Variants in FBXO31 observed in about 807,000 individuals in gnomAD.
FBXO31 encodes the protein F-box only protein 31.
In FBXO31, 24 loss-of-function variants were observed where a neutral mutation model predicts 54.4. The ratio of observed to expected loss-of-function variants is 0.44; its 90% CI spans 0.32 to 0.62. The LOEUF (loss-of-function observed/expected upper bound fraction) is 0.62, where lower values mean the gene tolerates loss of function less well. Among genes scored for constraint, FBXO31 ranks in the 20% least tolerant of loss-of-function variants. The probability of loss-of-function intolerance (pLI) is 0.05; values close to 1 mark genes in which losing one functional copy is unlikely to be tolerated. For missense variants in FBXO31, 665 were observed against 787.1 expected (o/e 0.84, Z 1.86); for synonymous variants, 388 against 335.6 (o/e 1.16, Z -1.71).
intron 1 of FBXO31, among the ~76,000 whole-genome samples, chr16:87,378,036 G>A (rs909915305): frequency 6.6e-6 from 1 of 151,826 alleles, no homozygotes; most frequent in Non-Finnish European, 1.5e-5. Flanking sequence ...GTGCACACCT[G>A]TAATCCCAGT....
intron 1 of FBXO31, among the ~76,000 whole-genome samples, chr16:87,382,959 C>G (rs1907149746): frequency 6.6e-6 from 1 of 152,152 alleles, no homozygotes; most frequent in African/African-American, 2.4e-5. Flanking sequence ...AAGTTCACCT[C>G]GTCTCTGGTC....
Position 87,362,198 on chromosome 16 carries a change from G to C in FBXO31, c.341-1832C>G, listed in dbSNP as rs1255865104. Among the ~76,000 whole-genome samples, 5 of 151,996 alleles carry C rather than the reference G, an allele frequency of 3.3e-5. No individual in the cohort carries two copies. In the South Asian group the frequency reaches 8.3e-4, roughly 25 times the overall value. On this transcript the variant is annotated intron_variant, in intron 1 of 8. Coordinates refer to ENST00000311635, the MANE Select transcript of FBXO31 (RefSeq NM_024735.5). ...CAAATAGCATTCACATTTTCTAGTA[G>C]CCACATCAAAAAGGGTACAATTAAA... is the stretch of plus-strand genomic sequence containing the variant.
At chr16:87,375,702 AAAG>A (rs1201848448) in intron 1 of FBXO31, among the ~76,000 whole-genome samples, 1 of 152,142 alleles carries the variant, frequency 6.6e-6, no homozygotes, top group African/African-American at 2.4e-5. Context: ...GCGACACATC[AAAG>A]AAGGGTCCCA....
At chr16:87,363,115 T>G (rs1435498414) in intron 1 of FBXO31, among the ~76,000 whole-genome samples, 1 of 151,532 alleles carries the variant, frequency 6.6e-6, no homozygotes, top group Non-Finnish European at 1.5e-5. Context: ...CCGGGCGCGG[T>G]GGCTCATGCC....
intron 1 of FBXO31, among the ~76,000 whole-genome samples, chr16:87,380,306 A>AAC (rs1370378749): frequency 6.6e-6 from 1 of 151,920 alleles, no homozygotes; most frequent in East Asian, 1.9e-4. Flanking sequence ...CAAAAAAAAA[A>AAC]AAAAAAAAAG....
At position 87,383,271 on chromosome 16, in the gene FBXO31, C is replaced by T. The variant is rs1322914621; in HGVS notation, c.340+134G>A. The T allele has an allele frequency of 1.2e-6, 1 of 856,840 alleles. No individual in the cohort carries two copies. Among genetic ancestry groups the T allele is most frequent in the African/African-American group, 1.8e-5 (1 of 54,698 alleles). The allele number at this position is 856,840 out of a possible 1,614,324, so 53.1% of individuals were successfully genotyped here. A position where few individuals can be genotyped will look rare whatever the true frequency, so the allele number is the denominator to read the frequency against. On this transcript the variant is annotated intron_variant, in intron 1 of 8. Transcript: ENST00000311635. The surrounding 1 kb of genome is among the most constrained non-coding windows in gnomAD (Gnocchi z 4.9). ...GGCCGCTCCCCACCCACACCCAAAACACCACATCGCCGGGCCCCGCGCCCA... is the reference window on the plus strand; with the variant it reads ...GGCCGCTCCCCACCCACACCCAAAATACCACATCGCCGGGCCCCGCGCCCA...
chr16:87,367,961 C>T (rs1906439133), intron 1 of FBXO31: 1 of 152,198 alleles, frequency 6.6e-6, no homozygotes, highest in Non-Finnish European at 1.5e-5. Context: ...AGAAACAATG[C>T]ACGTAGCCTT....
Position 87,358,672 on chromosome 16 carries a change from A to G in FBXO31, c.412+1623T>C, listed in dbSNP as rs558323143. The stretch of plus-strand genomic sequence containing the variant: ...TGAGAAACCTGCTGGAGAGAACAAC[A>G]CTGTGACACGTTTTCCTTCCATCAG... On this transcript the variant is annotated intron_variant, in intron 2 of 8. Transcript: ENST00000311635. This position sits in a 1 kb window ranked among gnomAD's most constrained non-coding sequence, Gnocchi z 4.0. 6.6e-6 allele frequency among the ~76,000 whole-genome samples: 1 copy of G among 152,098 alleles called. No individual in the cohort carries two copies. Among genetic ancestry groups the G allele is most frequent in the Non-Finnish European group, 1.5e-5 (1 of 68,016 alleles).
chr16:87,348,323 C>G (rs1905485070), intron 2 of FBXO31, among the ~76,000 whole-genome samples: 1 of 152,228 alleles, frequency 6.6e-6, no homozygotes, highest in South Asian at 2.1e-4. Flanking sequence ...TGAGCCACCC[C>G]TTGGATGCTA....
At chr16:87,347,342 G>T in intron 2 of FBXO31, 92 bp from the exon 3 acceptor site, 1 of 1,091,166 alleles carries the variant, frequency 9.2e-7, no homozygotes, top group Non-Finnish European at 1.4e-6. Context: ...GAACCATGAG[G>T]ACTCACAAAA....
In FBXO31 at chr16:87,335,259, C is replaced by A; in HGVS notation, c.996+45G>T. 1.9e-6 allele frequency: 3 copies of A among 1,608,036 alleles called. No homozygotes were observed. Among genetic ancestry groups the A allele is most frequent in the Non-Finnish European group, 2.5e-6 (3 of 1,179,724 alleles). On this transcript the variant is annotated intron_variant, in intron 7 of 8. Transcript: ENST00000311635. This position sits in a 1 kb window ranked among gnomAD's most constrained non-coding sequence, Gnocchi z 5.7. Reference sequence around the variant, plus strand: ...TCCCTGACTCCACAGCCCACTTGGGCCAGGTGCCCCCAGAGCCCCACCAAC... The same window carrying A: ...TCCCTGACTCCACAGCCCACTTGGGACAGGTGCCCCCAGAGCCCCACCAAC...
rs1335761010 is a variant in FBXO31, at chr16:87,338,613, T to C, written c.733-2349A>G. ...CCACGGCTGAGGGAACCCACAACCC[T>C]GGGAACATCATCAGATCATGCCAGT... On this transcript the variant is annotated intron_variant, in intron 5 of 8. Coordinates refer to ENST00000311635, the MANE Select transcript of FBXO31 (RefSeq NM_024735.5). The surrounding 1 kb of genome is among the most constrained non-coding windows in gnomAD (Gnocchi z 4.3). Among the ~76,000 whole-genome samples the C allele has an allele frequency of 1.3e-5, 2 of 152,076 alleles. No individual in the cohort carries two copies. Among genetic ancestry groups the C allele is most frequent in the Non-Finnish European group, 2.9e-5 (2 of 67,996 alleles).
At chr16:87,362,983 G>A (rs941191626) in intron 1 of FBXO31, among the ~76,000 whole-genome samples, 1 of 152,248 alleles carries the variant, frequency 6.6e-6, no homozygotes, top group African/African-American at 2.4e-5. Context: ...GGCCAGGGAT[G>A]AGGAGCTGAC....
chr16:87,341,739 A>C (rs910252593), intron 5 of FBXO31, among the ~76,000 whole-genome samples: 1 of 152,158 alleles, frequency 6.6e-6, no homozygotes, highest in African/African-American at 2.4e-5. Context: ...TCAAATCTAA[A>C]ATAACAGCAT....
At position 87,347,628 on chromosome 16, in the gene FBXO31, C is replaced by T. The variant is rs954360721; in HGVS notation, c.413-378G>A. Among the ~76,000 whole-genome samples, 8 of 143,112 alleles carry T rather than the reference C, an allele frequency of 5.6e-5. No homozygotes were observed. The South Asian group carries it at 1.1e-3, about 20-fold the overall frequency. 93.9% of individuals were successfully genotyped at this position (143,112 alleles called of 152,430 possible). ...CTGGGAGGTGGAGCTTGCAGTGAGC[C>T]GAGATCACACAACTGCACTCCAGCC... On this transcript the variant is annotated intron_variant, in intron 2 of 8. Transcript: ENST00000311635.
At chr16:87,388,199 G>A (rs1184560129), upstream of FBXO31, among the ~76,000 whole-genome samples, 1 of 152,194 alleles carries the variant, frequency 6.6e-6, no homozygotes, top group Non-Finnish European at 1.5e-5. Flanking sequence ...GTTCTACTTT[G>A]CAGATTCTTG....
At chr16:87,378,146 C>G (rs1256732605) in intron 1 of FBXO31, among the ~76,000 whole-genome samples, 3 of 143,316 alleles carry the variant, frequency 2.1e-5, no homozygotes. Flanking sequence ...GCAACAAGAG[C>G]AAAACTCCAT....
At chr16:87,331,692 G>T (rs574879149) in intron 8 of FBXO31, among the ~76,000 whole-genome samples, 182 bp from the exon 9 acceptor site, 4 of 152,390 alleles carry the variant, frequency 2.6e-5, no homozygotes, top group South Asian at 4.1e-4. Flanking sequence ...GGCTGAGCCT[G>T]TCTCTGAAGG....
chr16:87,337,636 T>C (rs370091445), intron 5 of FBXO31, among the ~76,000 whole-genome samples: 3 of 152,280 alleles, frequency 2.0e-5, no homozygotes, highest in African/African-American at 7.2e-5. Context: ...AGCTGCCTGA[T>C]TGCAGCGGAG....
Sources: gnomAD v4.1 joint callset for allele counts (sites outside exome capture counted in the v4.1 genomes callset) on GRCh38, gnomAD v4.1.1 for gene constraint, Gnocchi (gnomAD v3.1) non-coding constraint, MANE v1.5 for transcripts, NCBI Gene and HGNC (gene_info 2026-07-23, HGNC 2026-07-21) for gene names.